Variants in SEC24D observed in about 807,000 individuals in gnomAD.
SEC24D encodes SEC24 homolog D, COPII component, also known as protein transport protein Sec24D.
SEC24D carries 69 observed loss-of-function variants against 116.9 expected under a neutral mutation model. The observed-to-expected ratio is 0.59, with a 90% confidence interval of 0.49 to 0.72. SEC24D has a LOEUF of 0.72. Among genes scored for constraint, SEC24D ranks in the 30% least tolerant of loss-of-function variants. The pLI, the probability that SEC24D is intolerant of heterozygous loss-of-function variation, is 0.00. For synonymous variants in SEC24D, 405 were observed against 442.8 expected (o/e 0.91, Z 1.07); for missense variants, 1,131 against 1,264.1 (o/e 0.89, Z 1.60).
At chr4:118,810,278 T>C (rs1334643430) in intron 6 of SEC24D, among the ~76,000 whole-genome samples, 1 of 152,116 alleles carries the variant, frequency 6.6e-6, no homozygotes, top group Non-Finnish European at 1.5e-5. Flanking sequence ...CTGGCTGCTC[T>C]GTGCAGACTG....
At position 118,744,150 on chromosome 4, in the gene SEC24D, G is replaced by T; in HGVS notation, c.1833C>A (p.Phe611Leu). The T allele has an allele frequency of 1.3e-6, 2 of 1,548,048 alleles. No individual in the cohort carries two copies. The highest frequency in any genetic ancestry group is 8.7e-7 in the Non-Finnish European group (1 of 1,149,656). ...LVNTDKEKILFQPQTNVYDSL... is the reference protein window; with the variant it reads ...LVNTDKEKILLQPQTNVYDSL... ...AGTCATAGACATTTGTTTGGGGCTG[G>T]AAAAGTATCTGGAAAAAAGATGCAA... The change falls in exon 15 of 23, where the codon TTC becomes TTA. Residue 611 changes from phenylalanine (F) to leucine (L), a missense_variant. Physicochemically the swap from Phe to Leu is conservative, Grantham distance 22. Transcript: ENST00000280551.
intron 21 of SEC24D, chr4:118,729,663 T>C (rs573318024): frequency 1.3e-5 from 2 of 152,306 alleles, no homozygotes; most frequent in East Asian, 3.9e-4. Context: ...ATATGAAGGA[T>C]TTTGACTTAC....
At chr4:118,732,287 C>A (rs1725732856) in intron 20 of SEC24D, among the ~76,000 whole-genome samples, 1 of 152,114 alleles carries the variant, frequency 6.6e-6, no homozygotes, top group African/African-American at 2.4e-5. Context: ...CAGGCACATA[C>A]CACCACGCCC....
chr4:118,773,980 T>C (rs1728025261), intron 8 of SEC24D, among the ~76,000 whole-genome samples: 1 of 152,094 alleles, frequency 6.6e-6, no homozygotes, highest in Admixed American at 6.5e-5. Context: ...AATCCTATCA[T>C]GTGTCTTCTA....
At chr4:118,778,389 T>G (rs572239123) in intron 8 of SEC24D, among the ~76,000 whole-genome samples, 1 of 152,220 alleles carries the variant, frequency 6.6e-6, no homozygotes, top group Admixed American at 6.5e-5. Flanking sequence ...CTTGTTTTTG[T>G]TAGGTTTGTC....
At position 118,771,862 on chromosome 4, in the gene SEC24D, A is replaced by G. The variant is rs187230985; in HGVS notation, c.1042-3551T>C. Among the ~76,000 whole-genome samples the G allele has an allele frequency of 4.6e-5, 7 of 152,324 alleles. No individual in the cohort carries two copies. The East Asian group carries it at 1.2e-3, about 25-fold the overall frequency. On this transcript the variant is annotated intron_variant, in intron 8 of 22. Transcript: ENST00000280551. ...TACCACAGGTACCTTTGAGGGACCT[A>G]CAGTGTAGCGGGGTAGAAAGACAGT...
At chr4:118,728,769 C>T in intron 21 of SEC24D, 119 bp from the exon 22 acceptor site, 1 of 581,956 alleles carries the variant, frequency 1.7e-6, no homozygotes, top group South Asian at 3.3e-5. Context: ...TGGTGTAGTT[C>T]ATTACCTGAA....
intron 20 of SEC24D, 55 bp from the exon 21 acceptor site, chr4:118,731,562 T>C: frequency 6.7e-7 from 1 of 1,482,332 alleles, no homozygotes; most frequent in Non-Finnish European, 9.4e-7. Flanking sequence ...TTCCCTTCCC[T>C]CCTTCCTCTT....
At chr4:118,777,170 G>T (rs897100454) in intron 8 of SEC24D, among the ~76,000 whole-genome samples, 1 of 151,732 alleles carries the variant, frequency 6.6e-6, no homozygotes, top group Non-Finnish European at 1.5e-5. Flanking sequence ...CAACGTGCAG[G>T]TTTGTTACAT....
intron 7 of SEC24D, among the ~76,000 whole-genome samples, chr4:118,798,540 A>G (rs893065772): frequency 6.6e-6 from 1 of 152,250 alleles, no homozygotes; most frequent in African/African-American, 2.4e-5. Context: ...GAATGTAATC[A>G]TCAATCAAAT....
At chr4:118,756,824 G>A (rs1280727083) in intron 11 of SEC24D, among the ~76,000 whole-genome samples, 1 of 151,976 alleles carries the variant, frequency 6.6e-6, no homozygotes, top group Non-Finnish European at 1.5e-5. Context: ...TTTTAAAATA[G>A]CCACGTTTGA....
At chr4:118,769,786 T>C (rs572333420) in intron 8 of SEC24D, 6 of 152,248 alleles carry the variant, frequency 3.9e-5, no homozygotes, top group Admixed American at 3.9e-4. Flanking sequence ...AGAAGACAGA[T>C]TGGATTTTCT....
At chr4:118,810,897 C>T (rs932622712) in intron 6 of SEC24D, among the ~76,000 whole-genome samples, 4 of 152,122 alleles carry the variant, frequency 2.6e-5, no homozygotes, top group African/African-American at 7.2e-5. Flanking sequence ...GAGACACAGC[C>T]TCCAGTGGGG....
chr4:118,798,980 C>T (rs527428980), intron 7 of SEC24D, among the ~76,000 whole-genome samples: 1 of 152,318 alleles, frequency 6.6e-6, no homozygotes, highest in Non-Finnish European at 1.5e-5. Flanking sequence ...TCTGGCTTTT[C>T]TCCCAATGAA....
chr4:118,745,300 C>T (rs1254052459), intron 13 of SEC24D, among the ~76,000 whole-genome samples: 1 of 152,096 alleles, frequency 6.6e-6, no homozygotes, highest in African/African-American at 2.4e-5. Flanking sequence ...AGAGAGCCAA[C>T]ATTTAAAGAT....
At chr4:118,829,783 G>T (rs1374362592) in intron 2 of SEC24D, among the ~76,000 whole-genome samples, 1 of 152,044 alleles carries the variant, frequency 6.6e-6, no homozygotes, top group African/African-American at 2.4e-5. Context: ...TTGCACTCCA[G>T]CCTGGGTAAT....
intron 8 of SEC24D, 73 bp downstream of exon 8, chr4:118,797,610 A>G: frequency 8.6e-7 from 1 of 1,162,190 alleles, no homozygotes; most frequent in Non-Finnish European, 1.2e-6. Context: ...AGAATAATGT[A>G]TAAGAAAATT....
At chr4:118,766,025 C>T (rs868628664) in intron 9 of SEC24D, among the ~76,000 whole-genome samples, 6 of 152,122 alleles carry the variant, frequency 3.9e-5, no homozygotes, top group Admixed American at 6.6e-5. Context: ...TCTTAAATTG[C>T]TATTTTGTTA....
chr4:118,776,290 T>C (rs1038877986), intron 8 of SEC24D, among the ~76,000 whole-genome samples: 1 of 152,172 alleles, frequency 6.6e-6, no homozygotes, highest in African/African-American at 2.4e-5. Context: ...GATTCGTCTC[T>C]TGGAATGGCC....
Sources: gnomAD v4.1 joint callset for allele counts (sites outside exome capture counted in the v4.1 genomes callset) on GRCh38, gnomAD v4.1.1 for gene constraint, MANE v1.5 for transcripts, NCBI Gene and HGNC (gene_info 2026-07-23, HGNC 2026-07-21) for gene names.